SLC7A2: variants seen among roughly 807,000 people sequenced by gnomAD.
SLC7A2 encodes cationic amino acid transporter 2.
SLC7A2 carries 48 observed loss-of-function variants against 58.9 expected under a neutral mutation model. The ratio of observed to expected loss-of-function variants is 0.82; its 90% confidence interval spans 0.65 to 1.04. SLC7A2 has a LOEUF of 1.04. SLC7A2 is among the 50% of genes least tolerant of loss of function. The pLI is 0.00. For synonymous variants in SLC7A2, 363 were observed against 314.5 expected (o/e 1.15, Z -1.63); for missense variants, 1,029 against 818.8 (o/e 1.26, Z -3.13).
chr8:17,545,929 A>G (rs1457829732), intron 4 of SLC7A2, among the ~76,000 whole-genome samples: 1 of 152,190 alleles, frequency 6.6e-6, no homozygotes, highest in African/African-American at 2.4e-5. Context: ...AATTTTAAAA[A>G]TAGCTTTACC....
intron 2 of SLC7A2, among the ~76,000 whole-genome samples, chr8:17,524,441 C>CAT (rs1163991904): frequency 2.3e-4 from 35 of 151,932 alleles, no homozygotes; most frequent in African/African-American, 8.0e-4. Flanking sequence ...CACACACACA[C>CAT]ACACACACAC....
intron 2 of SLC7A2, among the ~76,000 whole-genome samples, chr8:17,511,996 A>G (rs1306817836): frequency 6.6e-6 from 1 of 152,222 alleles, no homozygotes; most frequent in Non-Finnish European, 1.5e-5. Context: ...GGCTGAAGAT[A>G]AATTCTAAAG....
At chr8:17,524,409 TG>T (rs2150696562) in intron 2 of SLC7A2, among the ~76,000 whole-genome samples, 1 of 45,962 alleles carries the variant, frequency 2.2e-5, no homozygotes, top group South Asian at 5.3e-4. Flanking sequence ...TACATATATG[TG>T]TGTGTGTGTG....
At chr8:17,494,365 G>C (rs151039073), upstream of SLC7A2, among the ~76,000 whole-genome samples, 24 of 152,262 alleles carry the variant, frequency 1.6e-4, 1 homozygote, top group East Asian at 4.4e-3. Context: ...TGAAATCTTT[G>C]GAAGATGACA....
intron 2 of SLC7A2, among the ~76,000 whole-genome samples, chr8:17,529,359 A>T (rs1446161303): frequency 9.6e-6 from 1 of 103,966 alleles, no homozygotes; most frequent in African/African-American, 3.4e-5. Flanking sequence ...CCAGTCATTT[A>T]TGGCCAGCGA....
chr8:17,543,872 T>C (rs1802037382), intron 3 of SLC7A2, among the ~76,000 whole-genome samples, 157 bp downstream of exon 3: 2 of 151,894 alleles, frequency 1.3e-5, no homozygotes. Flanking sequence ...ATTACAAAAT[T>C]CTGTGGGTTT....
intron 2 of SLC7A2, among the ~76,000 whole-genome samples, chr8:17,519,844 A>G (rs1800943646): frequency 1.1e-5 from 1 of 92,552 alleles, no homozygotes; most frequent in South Asian, 2.9e-4. Flanking sequence ...ATTCTTTATG[A>G]TGTCTCCTCC....
intron 3 of SLC7A2, among the ~76,000 whole-genome samples, 165 bp downstream of exon 3, chr8:17,543,880 T>G (rs926781745): frequency 1.3e-5 from 2 of 151,932 alleles, no homozygotes; most frequent in East Asian, 1.9e-4. Flanking sequence ...ATTCTGTGGG[T>G]TTTTTTTAAG....
intron 2 of SLC7A2, among the ~76,000 whole-genome samples, chr8:17,504,774 A>G (rs1800297619): frequency 6.6e-6 from 1 of 152,228 alleles, no homozygotes; most frequent in Non-Finnish European, 1.5e-5. Flanking sequence ...GCAACTCTTA[A>G]AAGATTGAGT....
intron 2 of SLC7A2, chr8:17,538,983 C>T: frequency 6.9e-7 from 1 of 1,446,258 alleles, no homozygotes; most frequent in South Asian, 1.2e-5. Context: ...AAATGTCAAC[C>T]TTTACTTAGG....
chr8:17,543,365 C>G lies in SLC7A2; in HGVS notation c.26C>G (p.Thr9Ser). Residue 9 changes from threonine (T) to serine (S), a missense_variant, in exon 3 of 13, where the codon ACC becomes AGC. Coordinates refer to ENST00000494857, the MANE Select transcript of SLC7A2 (RefSeq NM_001370338.1). ...ATGATTCCTTGCAGAGCCGCGCTGA[C>G]CTTTGCCCGATGTCTGATCCGGAGA... is the stretch of plus-strand genomic sequence containing the variant. MIPCRAALTFARCLIRRKI... is the reference protein window; with the variant it reads MIPCRAALSFARCLIRRKI... 1 of 1,614,026 alleles carries G rather than the reference C, an allele frequency of 6.2e-7. No individual in the cohort carries two copies. The highest frequency in any genetic ancestry group is 8.5e-7 in the Non-Finnish European group (1 of 1,179,962).
At chr8:17,526,730 C>T (rs1432753426) in intron 2 of SLC7A2, among the ~76,000 whole-genome samples, 2 of 152,050 alleles carry the variant, frequency 1.3e-5, no homozygotes, top group Non-Finnish European at 2.9e-5. Context: ...AAAATTTCAG[C>T]AGCGTGTGGT....
At chr8:17,564,082 C>T (rs1449235918) in intron 12 of SLC7A2, among the ~76,000 whole-genome samples, 2 of 152,204 alleles carry the variant, frequency 1.3e-5, no homozygotes, top group Non-Finnish European at 2.9e-5. Context: ...TCCTGATCCC[C>T]ACACAGTCAG....
chr8:17,539,681 A>T (rs928302924), intron 2 of SLC7A2, among the ~76,000 whole-genome samples: 2 of 152,138 alleles, frequency 1.3e-5, no homozygotes. Context: ...CTTATACTAC[A>T]TGCGTGTAGG....
Position 17,543,452 on chromosome 8 carries a change from A to C in SLC7A2, c.113A>C (p.Asp38Ala). 6.2e-7 allele frequency: 1 copy of C among 1,613,990 alleles called. No individual in the cohort carries two copies. Among genetic ancestry groups the C allele is most frequent in the Non-Finnish European group, 8.5e-7 (1 of 1,180,004 alleles). ...TKLCRCLSTM[D>A]LIALGVGSTL... ...TTATGCCGCTGCTTATCCACCATGG[A>C]CCTCATTGCCCTGGGCGTTGGAAGC... The change falls in exon 3 of 13, where the codon GAC becomes GCC. Residue 38 changes from aspartate (D) to alanine (A), a missense_variant. Asp to Ala is a moderately radical substitution (Grantham distance 126). Transcript: ENST00000494857.
intron 2 of SLC7A2, among the ~76,000 whole-genome samples, chr8:17,509,231 A>G (rs896900321): frequency 6.6e-6 from 1 of 152,238 alleles, no homozygotes; most frequent in Non-Finnish European, 1.5e-5. Context: ...CTTTGTATCC[A>G]TGAATCAGAA....
chr8:17,561,489 G>A (rs773213797), intron 10 of SLC7A2, among the ~76,000 whole-genome samples: 3 of 152,134 alleles, frequency 2.0e-5, no homozygotes, highest in Admixed American at 6.5e-5. Context: ...CATAACACAT[G>A]GAAATTATGG....
chr8:17,548,909 A>G, intron 5 of SLC7A2, 66 bp downstream of exon 5: 2 of 1,343,698 alleles, frequency 1.5e-6, no homozygotes, highest in Non-Finnish European at 2.1e-6. Flanking sequence ...TGGGTGTATT[A>G]GTTCATTTTT....
chr8:17,495,264 A>T (rs1237136386), upstream of SLC7A2, among the ~76,000 whole-genome samples: 1 of 152,092 alleles, frequency 6.6e-6, no homozygotes, highest in Non-Finnish European at 1.5e-5. Flanking sequence ...TTTTTAAACC[A>T]GGTGAAAAAT....
Sources: allele counts gnomAD v4.1 joint callset (sites outside exome capture counted in the v4.1 genomes callset), GRCh38; gene constraint gnomAD v4.1.1; transcripts MANE v1.5; gene names NCBI Gene and HGNC (gene_info 2026-07-23, HGNC 2026-07-21).